The following SPRED2 variants were observed in gnomAD, a reference collection of about 807,000 sequenced individuals.
The protein encoded by SPRED2 is sprouty-related, EVH1 domain-containing protein 2.
A neutral mutation model predicts 43.0 loss-of-function variants in SPRED2; 47 were observed. The ratio of observed to expected loss-of-function variants is 1.09; its 90% CI spans 0.87 to 1.40. SPRED2 has a LOEUF of 1.40. Ranked by LOEUF, SPRED2 falls within the 40% of genes most tolerant of loss-of-function variation. The probability of loss-of-function intolerance (pLI) is 0.00; values close to 1 mark genes in which losing one functional copy is unlikely to be tolerated. For missense variants in SPRED2, 561 were observed against 586.4 expected, an observed-to-expected ratio of 0.96 and a Z score of 0.45; for synonymous variants, 225 against 225.7, an observed-to-expected ratio of 1.00 and a Z score of 0.03.
At chr2:65,408,225 T>G (rs1321950917) in intron 1 of SPRED2, among the ~76,000 whole-genome samples, 1 of 152,238 alleles carries the variant, frequency 6.6e-6, no homozygotes, top group Non-Finnish European at 1.5e-5. Flanking sequence ...CGGCATGTAT[T>G]AGGCACCTCA....
intron 1 of SPRED2, among the ~76,000 whole-genome samples, chr2:65,400,000 C>A (rs950795182): frequency 6.7e-6 from 1 of 149,132 alleles, no homozygotes; most frequent in African/African-American, 2.4e-5. Flanking sequence ...AAAACAAAAA[C>A]CCCCAACAAA....
At chr2:65,332,265 G>T in intron 3 of SPRED2, 1 of 411,810 alleles carries the variant, frequency 2.4e-6, no homozygotes, top group South Asian at 2.6e-5. Context: ...GCCTGCTGTT[G>T]TTCCCAATTA....
chr2:65,399,536 C>T (rs140358569), intron 1 of SPRED2, among the ~76,000 whole-genome samples: 1 of 151,650 alleles, frequency 6.6e-6, no homozygotes, highest in Non-Finnish European at 1.5e-5. Flanking sequence ...GTGCACGCCA[C>T]CACGCCTGGC....
intron 1 of SPRED2, among the ~76,000 whole-genome samples, chr2:65,394,760 C>G (rs1039678293): frequency 6.6e-6 from 1 of 152,108 alleles, no homozygotes; most frequent in Non-Finnish European, 1.5e-5. Context: ...AGTCCGCTTC[C>G]GATCACAGTG....
chr2:65,314,052 C>G lies in SPRED2; in HGVS notation c.706G>C (p.Val236Leu), dbSNP rs762829669. 3 of 1,614,146 alleles carry G rather than the reference C, an allele frequency of 1.9e-6. No individual in the cohort carries two copies. In the South Asian group the frequency reaches 3.3e-5, roughly 18 times the overall value. The change falls in exon 6 of 6, where the codon GTC becomes CTC. Residue 236 changes from valine (V) to leucine (L), a missense_variant. Val to Leu is a conservative substitution (Grantham distance 32). Coordinates refer to ENST00000356388, the MANE Select transcript of SPRED2 (RefSeq NM_181784.3). Reference sequence around the variant, plus strand: ...GAGGGGTCCGGGTACTTGCCCCTGACGGGTGCGTGCCGGTAATCCTCGTAC... The same window carrying G: ...GAGGGGTCCGGGTACTTGCCCCTGAGGGGTGCGTGCCGGTAATCCTCGTAC... ...TGYEDYRHAP[V>L]RGKYPDPSED...
At chr2:65,393,751 A>C (rs1382983236) in intron 1 of SPRED2, among the ~76,000 whole-genome samples, 4 of 152,216 alleles carry the variant, frequency 2.6e-5, no homozygotes, top group African/African-American at 7.2e-5. Flanking sequence ...CAAAACAACT[A>C]TCTCAAGTAT....
chr2:65,354,885 T>C (rs1674604268), intron 1 of SPRED2, among the ~76,000 whole-genome samples: 1 of 152,168 alleles, frequency 6.6e-6, no homozygotes, highest in Admixed American at 6.5e-5. Flanking sequence ...CTAAGACAGA[T>C]TTTTAAAAAA....
At chr2:65,428,774 G>C (rs1000461287) in intron 1 of SPRED2, among the ~76,000 whole-genome samples, 5 of 152,218 alleles carry the variant, frequency 3.3e-5, no homozygotes, top group Non-Finnish European at 5.9e-5. Context: ...TCCAGGGTTA[G>C]AGCTTGGTTC....
At chr2:65,356,399 AGAGT>A (rs1345446253) in intron 1 of SPRED2, among the ~76,000 whole-genome samples, 1 of 152,142 alleles carries the variant, frequency 6.6e-6, no homozygotes, top group Non-Finnish European at 1.5e-5. Flanking sequence ...AAATATTGGG[AGAGT>A]GAGAGATTTG....
In SPRED2 at chr2:65,432,127, GC is replaced by G; in HGVS notation, c.-141del. ...GGCGGCTAGAGATGAAGAGGGCGCCGCAGCAGAAGGGGAAGCAGGGCGCGGG... is the reference window on the plus strand; with the variant it reads ...GGCGGCTAGAGATGAAGAGGGCGCCGAGCAGAAGGGGAAGCAGGGCGCGGG... On this transcript the variant is annotated 5_prime_UTR_variant, in exon 1 of 6. Coordinates refer to ENST00000356388, the MANE Select transcript of SPRED2 (RefSeq NM_181784.3). The G allele has an allele frequency of 9.3e-7, 1 of 1,072,458 alleles. No individual in the cohort carries two copies. Among genetic ancestry groups the G allele is most frequent in the Non-Finnish European group, 1.4e-6 (1 of 722,368 alleles). 66.4% of individuals were successfully genotyped at this position (1,072,458 alleles called of 1,614,324 possible).
At chr2:65,322,942 A>G (rs1673474938) in intron 4 of SPRED2, among the ~76,000 whole-genome samples, 2 of 152,200 alleles carry the variant, frequency 1.3e-5, no homozygotes, top group South Asian at 4.1e-4. Flanking sequence ...TGCATTCCTC[A>G]GATACATTCT....
At chr2:65,323,865 G>A (rs1673513409) in intron 4 of SPRED2, among the ~76,000 whole-genome samples, 1 of 152,058 alleles carries the variant, frequency 6.6e-6, no homozygotes, top group African/African-American at 2.4e-5. Flanking sequence ...GACAGAGCAA[G>A]ACTCCGTCTC....
At chr2:65,386,209 C>T (rs559872811) in intron 1 of SPRED2, among the ~76,000 whole-genome samples, 5 of 142,580 alleles carry the variant, frequency 3.5e-5, no homozygotes, top group South Asian at 2.4e-4. Context: ...CGCTTGAACC[C>T]GGGAGATGGA....
intron 1 of SPRED2, among the ~76,000 whole-genome samples, chr2:65,363,000 GTTTT>G (rs376311746): frequency 3.4e-4 from 23 of 66,956 alleles, no homozygotes; most frequent in African/African-American, 1.6e-3. Context: ...TGGTCATCAT[GTTTT>G]GTTTTTTTTT....
In SPRED2 at chr2:65,431,994, GT is replaced by G. The variant is rs759970809; in HGVS notation, c.-8del. On this transcript the variant is annotated 5_prime_UTR_variant, in exon 1 of 6. Coordinates refer to ENST00000356388, the MANE Select transcript of SPRED2 (RefSeq NM_181784.3). The stretch of plus-strand genomic sequence containing the variant: ...GGTGTGTTTCTTCGGTCATTTTCTT[GT>G]TCACCTAGACGCCTGTCCCGCGGCG... 6.2e-7 allele frequency: 1 copy of G among 1,613,904 alleles called. No homozygotes were observed. Among genetic ancestry groups the G allele is most frequent in the Non-Finnish European group, 8.5e-7 (1 of 1,179,958 alleles).
downstream of SPRED2, chr2:65,308,217 G>T: frequency 1.2e-6 from 1 of 819,202 alleles, no homozygotes; most frequent in Non-Finnish European, 1.5e-6. Flanking sequence ...GGGAGGTTCA[G>T]GCAGGCAGTA....
intron 1 of SPRED2, among the ~76,000 whole-genome samples, chr2:65,412,515 T>G (rs1426246901): frequency 6.6e-6 from 1 of 152,222 alleles, no homozygotes; most frequent in Non-Finnish European, 1.5e-5. Flanking sequence ...ATTGACTATT[T>G]GCAATCCCAT....
At chr2:65,377,203 T>C (rs1675261635) in intron 1 of SPRED2, among the ~76,000 whole-genome samples, 1 of 152,226 alleles carries the variant, frequency 6.6e-6, no homozygotes, top group African/African-American at 2.4e-5. Flanking sequence ...CCTTTACATA[T>C]TAAGATGCTT....
intron 1 of SPRED2, among the ~76,000 whole-genome samples, chr2:65,412,226 G>C (rs1241734316): frequency 6.6e-6 from 1 of 152,170 alleles, no homozygotes; most frequent in East Asian, 1.9e-4. Context: ...GATGTAGGCA[G>C]AGGAATCACC....
Sources: gnomAD v4.1 joint callset for allele counts (sites outside exome capture counted in the v4.1 genomes callset) on GRCh38, gnomAD v4.1.1 for gene constraint, MANE v1.5 for transcripts, NCBI Gene and HGNC (gene_info 2026-07-23, HGNC 2026-07-21) for gene names.